ACTR3C: variants seen among roughly 807,000 people sequenced by gnomAD.
ACTR3C encodes actin-related protein 3C.
In ACTR3C, 18 loss-of-function variants were observed where a neutral mutation model predicts 26.3. That is an observed-to-expected ratio of 0.68 (90% CI 0.47 to 1.01). ACTR3C has a LOEUF of 1.01. ACTR3C is among the 50% of genes least tolerant of loss of function. The pLI, the probability that ACTR3C is intolerant of heterozygous loss-of-function variation, is 0.00. For synonymous variants in ACTR3C, 55 were observed against 94.5 expected (o/e 0.58, Z 2.42); for missense variants, 184 against 250.7 (o/e 0.73, Z 1.80).
the ACTR3C span, among the ~76,000 whole-genome samples, chr7:149,966,863 T>G: frequency 6.8e-6 from 1 of 147,346 alleles, no homozygotes. Context: ...TCTTTCCTTT[T>G]TTTTTGTGTG....
At chr7:150,022,698 C>T in the ACTR3C span, among the ~76,000 whole-genome samples, 2 of 152,050 alleles carry the variant, frequency 1.3e-5, no homozygotes, top group African/African-American at 4.8e-5. Flanking sequence ...AATGTTACTT[C>T]ATGGATAGCT....
chr7:150,192,857 T>C, the ACTR3C span, among the ~76,000 whole-genome samples: 1 of 152,232 alleles, frequency 6.6e-6, no homozygotes, highest in African/African-American at 2.4e-5. Context: ...TGTAAACAAC[T>C]GACACACAGA....
the ACTR3C span, among the ~76,000 whole-genome samples, chr7:150,102,143 A>T: frequency 6.6e-6 from 1 of 151,674 alleles, no homozygotes; most frequent in East Asian, 1.9e-4. Context: ...TTCTCCCTGG[A>T]TACTAAGGTC....
chr7:150,158,583 GAT>G, the ACTR3C span, among the ~76,000 whole-genome samples: 1 of 152,186 alleles, frequency 6.6e-6, no homozygotes, highest in Non-Finnish European at 1.5e-5. Flanking sequence ...GGCACAGAAT[GAT>G]AAACACTGCA....
the ACTR3C span, among the ~76,000 whole-genome samples, chr7:150,128,001 C>T: frequency 6.7e-6 from 1 of 149,682 alleles, no homozygotes; most frequent in Non-Finnish European, 1.5e-5. Context: ...CATGGCAATA[C>T]TAATACAATA....
intron 1 of ACTR3C, among the ~76,000 whole-genome samples, chr7:150,317,512 C>T (rs1330071936): frequency 2.0e-5 from 3 of 152,198 alleles, no homozygotes; most frequent in Admixed American, 6.5e-5. Flanking sequence ...AATCAAGTCA[C>T]TTGAAATGAT....
intron 6 of ACTR3C, among the ~76,000 whole-genome samples, chr7:150,275,375 T>C (rs1350365715): frequency 6.6e-6 from 1 of 152,204 alleles, no homozygotes; most frequent in Non-Finnish European, 1.5e-5. Context: ...TATCCACCTA[T>C]TTACAGTTCA....
chr7:150,229,207 A>G, the ACTR3C span, among the ~76,000 whole-genome samples: 1 of 151,904 alleles, frequency 6.6e-6, no homozygotes, highest in Admixed American at 6.6e-5. Context: ...CAAGCTAGAA[A>G]TTCCTGTATG....
the ACTR3C span, among the ~76,000 whole-genome samples, chr7:149,908,129 G>C: frequency 6.6e-6 from 1 of 152,104 alleles, no homozygotes; most frequent in Non-Finnish European, 1.5e-5. Flanking sequence ...CACTGACACA[G>C]AGATGAGACC....
In ACTR3C at chr7:150,289,436, C is replaced by T; in HGVS notation, c.297+14G>A. 1 of 1,567,828 alleles carries T rather than the reference C, an allele frequency of 6.4e-7. No homozygotes were observed. Among genetic ancestry groups the T allele is most frequent in the South Asian group, 1.2e-5 (1 of 80,772 alleles). ...TCTCACCCCCAAACCAGCCGGTTTC[C>T]CATCTGTTTTTACCTTAATGGCTTT... On this transcript the variant is annotated intron_variant, in intron 4 of 7. Coordinates refer to ENST00000683684, the MANE Select transcript of ACTR3C (RefSeq NM_001164458.2).
At chr7:150,282,495 A>G (rs76650010) in intron 6 of ACTR3C, among the ~76,000 whole-genome samples, 8,692 of 136,346 alleles carry the variant, frequency 0.064, 395 homozygotes, top group African/African-American at 0.12. Context: ...GGCCAGCCCC[A>G]GGACATTCAA....
chr7:150,115,411 A>G, the ACTR3C span, among the ~76,000 whole-genome samples: 5 of 152,350 alleles, frequency 3.3e-5, no homozygotes, highest in Admixed American at 2.6e-4. Flanking sequence ...CTGTGACAGA[A>G]CAGGTCCCAC....
chr7:149,997,321 T>C, the ACTR3C span, among the ~76,000 whole-genome samples: 4 of 152,162 alleles, frequency 2.6e-5, no homozygotes, highest in African/African-American at 7.2e-5. Flanking sequence ...TTTTAAGCCA[T>C]TTCCCTGACC....
At chr7:150,199,725 CAAAAAAAAAAAAA>C in the ACTR3C span, among the ~76,000 whole-genome samples, 92 of 86,074 alleles carry the variant, frequency 1.1e-3, 1 homozygote, top group Middle Eastern at 0.037. Flanking sequence ...ATATTTTTAT[CAAAAAAAAAAAAA>C]AAAAAAAAAC....
intron 6 of ACTR3C, among the ~76,000 whole-genome samples, chr7:150,275,809 T>G (rs1834825379): frequency 6.6e-6 from 1 of 152,178 alleles, no homozygotes; most frequent in African/African-American, 2.4e-5. Context: ...TGAACATGAA[T>G]TTTAGATTGG....
chr7:149,941,305 T>C, the ACTR3C span, among the ~76,000 whole-genome samples: 1 of 152,226 alleles, frequency 6.6e-6, no homozygotes, highest in African/African-American at 2.4e-5. Context: ...ACTGTTCTCC[T>C]GGCACAAGGT....
the ACTR3C span, among the ~76,000 whole-genome samples, chr7:149,956,591 T>C: frequency 6.6e-6 from 1 of 152,160 alleles, no homozygotes; most frequent in African/African-American, 2.4e-5. Flanking sequence ...TTTGGGGACA[T>C]TTGCTGTGTC....
the ACTR3C span, among the ~76,000 whole-genome samples, chr7:149,937,934 C>T: frequency 6.6e-6 from 1 of 152,112 alleles, no homozygotes; most frequent in Non-Finnish European, 1.5e-5. Context: ...CTCAGAGACT[C>T]CAGTCCCAGC....
chr7:150,129,001 A>C, the ACTR3C span, among the ~76,000 whole-genome samples: 1 of 150,956 alleles, frequency 6.6e-6, no homozygotes, highest in South Asian at 2.1e-4. Context: ...CGGTAAAGCT[A>C]GACGTTATGG....
Sources: allele counts gnomAD v4.1 joint callset (sites outside exome capture counted in the v4.1 genomes callset), GRCh38; gene constraint gnomAD v4.1.1; transcripts MANE v1.5; gene names NCBI Gene and HGNC (gene_info 2026-07-23, HGNC 2026-07-21).